PLA2G6: variants seen among roughly 807,000 people sequenced by gnomAD.
The protein encoded by PLA2G6 is phospholipase A2 group VI, also known as 85/88 kDa calcium-independent phospholipase A2.
PLA2G6 carries 62 observed loss-of-function variants against 83.8 expected under a neutral mutation model. The ratio of observed to expected loss-of-function variants is 0.74; its 90% CI spans 0.60 to 0.91. The LOEUF is 0.91. PLA2G6 is among the 40% of genes least tolerant of loss of function. The pLI is 0.00. For synonymous variants in PLA2G6, 417 were observed against 449.8 expected, an observed-to-expected ratio of 0.93 and a Z score of 0.92; for missense variants, 944 against 1,102.0, an observed-to-expected ratio of 0.86 and a Z score of 2.03.
chr22:38,112,396 G>A (rs1357316571), intron 16 of PLA2G6, 91 bp from the exon 17 acceptor site: 4 of 1,536,162 alleles, frequency 2.6e-6, no homozygotes, highest in Admixed American at 1.8e-5. Context: ...GGGGAACAGA[G>A]CAGACCCTTG....
At chr22:38,143,365 G>A (rs1377213108) in intron 3 of PLA2G6, 77 bp from the exon 4 acceptor site, 1 of 1,377,718 alleles carries the variant, frequency 7.3e-7, no homozygotes, top group African/African-American at 1.4e-5. Context: ...TGCACATGCA[G>A]GGAAGTGCAC....
chr22:38,171,172 C>CAAA (rs35530438), intron 1 of PLA2G6, among the ~76,000 whole-genome samples: 6 of 105,038 alleles, frequency 5.7e-5, no homozygotes, highest in African/African-American at 1.0e-4. Flanking sequence ...AACTCCGTCT[C>CAAA]AAAAAAAAAA....
chr22:38,126,802 C>T (rs952720982), intron 9 of PLA2G6: 2 of 356,236 alleles, frequency 5.6e-6, no homozygotes, highest in Non-Finnish European at 1.1e-5. Context: ...CTTCTTGCAT[C>T]GGAGCCGATG....
At chr22:38,131,210 AG>A (rs2088190825) in intron 7 of PLA2G6, 1 of 152,198 alleles carries the variant, frequency 6.6e-6, no homozygotes, top group Non-Finnish European at 1.5e-5. Flanking sequence ...TTTTTAGTAG[AG>A]ATGGGCTTTC....
chr22:38,180,735 C>T (rs2090813480), intron 1 of PLA2G6, among the ~76,000 whole-genome samples: 2 of 152,158 alleles, frequency 1.3e-5, no homozygotes, highest in South Asian at 4.1e-4. Context: ...TTACCTTCTA[C>T]ATTTTCTCAT....
intron 1 of PLA2G6, among the ~76,000 whole-genome samples, chr22:38,172,957 G>A (rs1355547959): frequency 6.6e-6 from 1 of 152,194 alleles, no homozygotes. Context: ...ACGAGATGAC[G>A]CAATGGAGGG....
chr22:38,132,894 G>T lies in PLA2G6; in HGVS notation c.1014C>A (p.Thr338=). Residue 338 remains threonine, a synonymous_variant, in exon 7 of 17, where the codon ACC becomes ACA. Transcript: ENST00000332509. This position sits in a 1 kb window ranked among gnomAD's most constrained non-coding sequence, Gnocchi z 5.0. ...NRFDCAIVLL[T]HGANADARGE... The stretch of plus-strand genomic sequence containing the variant: ...CGCGGGCATCCGCGTTGGCCCCGTG[G>T]GTCAGCAGCACTATGGCACAGTCGA... 6.4e-7 allele frequency: 1 copy of T among 1,555,522 alleles called. No homozygotes were observed.
chr22:38,136,407 G>A (rs1206964603), intron 5 of PLA2G6: 2 of 152,150 alleles, frequency 1.3e-5, no homozygotes, highest in Non-Finnish European at 2.9e-5. Context: ...TGACCAACAT[G>A]GAGAAACCCT....
chr22:38,134,600 C>CTA (rs1491231431), intron 6 of PLA2G6: 10 of 195,510 alleles, frequency 5.1e-5, no homozygotes, highest in East Asian at 1.3e-4. Context: ...CCCTCTCTCT[C>CTA]TATATATATA....
chr22:38,167,467 C>G (rs2090265051), intron 2 of PLA2G6, among the ~76,000 whole-genome samples: 2 of 152,158 alleles, frequency 1.3e-5, no homozygotes, highest in South Asian at 4.1e-4. Flanking sequence ...CCGTGTACCT[C>G]AAAAGTGGGG....
intron 7 of PLA2G6, chr22:38,131,623 T>C (rs561980862): frequency 6.5e-6 from 1 of 153,632 alleles, no homozygotes; most frequent in South Asian, 2.0e-4. Context: ...AATGAAACTA[T>C]TTATAGTTTC....
chr22:38,164,490 G>A (rs2090141084), intron 2 of PLA2G6, among the ~76,000 whole-genome samples: 1 of 152,220 alleles, frequency 6.6e-6, no homozygotes, highest in Non-Finnish European at 1.5e-5. Flanking sequence ...GCCCAGGCAT[G>A]CAGGACCTGC....
chr22:38,166,895 C>T (rs1481942074), intron 2 of PLA2G6, among the ~76,000 whole-genome samples: 1 of 152,160 alleles, frequency 6.6e-6, no homozygotes, highest in East Asian at 1.9e-4. Context: ...AAATGGAATA[C>T]TGCCTTCCTT....
rs1476257436 is a variant in PLA2G6, at chr22:38,116,219, G to A, written c.1743-8C>T. 1 of 1,613,962 alleles carries A rather than the reference G, an allele frequency of 6.2e-7. No individual in the cohort carries two copies. Among genetic ancestry groups the A allele is most frequent in the Admixed American group, 1.7e-5 (1 of 60,030 alleles). ...GTCCCTGTCAGCATCACCCTGGAGA[G>A]AAATGAGGCAGGAGGACGGCTGAGC... On this transcript the variant is annotated splice_polypyrimidine_tract_variant and splice_region_variant and intron_variant, in intron 12 of 16. Coordinates refer to ENST00000332509, the MANE Select transcript of PLA2G6 (RefSeq NM_003560.4).
intron 9 of PLA2G6, chr22:38,127,066 A>C: frequency 9.1e-7 from 1 of 1,096,732 alleles, no homozygotes; most frequent in Non-Finnish European, 1.1e-6. Context: ...CCTGACGTCC[A>C]CCCAACTGAC....
At position 38,111,750 on chromosome 22, in the gene PLA2G6, G is replaced by A. The variant is rs1462683729; in HGVS notation, c.*411C>T. ...GAACGGAGCAGAGGGCAGAGGGAGT[G>A]GGCTGCACCCACCAGGAAGCCTGGG... On this transcript the variant is annotated 3_prime_UTR_variant, in exon 17 of 17. Transcript: ENST00000332509. 3 of 339,964 alleles carry A rather than the reference G, an allele frequency of 8.8e-6. No homozygotes were observed. The Admixed American group carries it at 1.2e-4, about 14-fold the overall frequency. 21.1% of individuals were successfully genotyped at this position (339,964 alleles called of 1,614,324 possible).
chr22:38,125,070 T>A lies in PLA2G6; in HGVS notation c.1427+1301A>T, dbSNP rs4820316. ...TCCCTTGGGAAATGTGGGTCCCCCC[T>A]TCAGGTGCAGCTGCCTCACCTCAGC... is the stretch of plus-strand genomic sequence containing the variant. On this transcript the variant is annotated intron_variant, in intron 10 of 16. Coordinates refer to ENST00000332509, the MANE Select transcript of PLA2G6 (RefSeq NM_003560.4). Among the ~76,000 whole-genome samples, 1,259 of 152,360 alleles carry A rather than the reference T, an allele frequency of 8.3e-3. 20 individuals are homozygous for A. Among genetic ancestry groups the A allele is most frequent in the African/African-American group, 0.028 (1,185 of 41,584 alleles).
At chr22:38,154,156 G>T (rs559716241) in intron 2 of PLA2G6, among the ~76,000 whole-genome samples, 3 of 152,248 alleles carry the variant, frequency 2.0e-5, no homozygotes, top group African/African-American at 2.4e-5. Flanking sequence ...GACCTTCCCA[G>T]GATGGGGGTA....
At chr22:38,134,820 C>A (rs2088439832) in intron 6 of PLA2G6, 168 bp downstream of exon 6, 2 of 607,914 alleles carry the variant, frequency 3.3e-6, no homozygotes, top group African/African-American at 1.8e-5. Flanking sequence ...GCAGCAGAGC[C>A]CTGCCAGGAT....
Sources: gnomAD v4.1 joint callset for allele counts (sites outside exome capture counted in the v4.1 genomes callset) on GRCh38, gnomAD v4.1.1 for gene constraint, Gnocchi (gnomAD v3.1) non-coding constraint, MANE v1.5 for transcripts, NCBI Gene and HGNC (gene_info 2026-07-23, HGNC 2026-07-21) for gene names.